NPEPL1: variants seen among roughly 807,000 people sequenced by gnomAD.
NPEPL1 encodes probable aminopeptidase NPEPL1.
Under a neutral mutation model 52.4 loss-of-function variants are expected in NPEPL1, and 45 were observed. That is an observed-to-expected ratio of 0.86 (90% confidence interval 0.68 to 1.10). The LOEUF is 1.10. Ranked by LOEUF, NPEPL1 falls within the 50% of genes least tolerant of loss-of-function variation. NPEPL1 has a pLI of 0.00. For missense variants in NPEPL1, 696 were observed against 710.9 expected (o/e 0.98, Z 0.24); for synonymous variants, 360 against 314.7 (o/e 1.14, Z -1.52).
At chr20:58,699,864 A>G (rs2084577757) in intron 5 of NPEPL1, among the ~76,000 whole-genome samples, 1 of 152,226 alleles carries the variant, frequency 6.6e-6, no homozygotes, top group Non-Finnish European at 1.5e-5. Context: ...GTGTGGCTAC[A>G]AAACAAATCA....
chr20:58,691,515 C>T (rs559244577), upstream of NPEPL1: 931 of 668,532 alleles, frequency 1.4e-3, 8 homozygotes, highest in Middle Eastern at 6.1e-3. Flanking sequence ...GGCCAGGGAC[C>T]ATGGCTCAGA....
intron 1 of NPEPL1, 139 bp downstream of exon 1, chr20:58,693,189 G>C: frequency 1.8e-6 from 1 of 557,672 alleles, no homozygotes; most frequent in Non-Finnish European, 2.3e-6. Context: ...TCCCTGAAGG[G>C]CTCAGCCGCC....
At position 58,702,535 on chromosome 20, in the gene NPEPL1, T is replaced by G. The variant is rs182383290; in HGVS notation, c.822+1377T>G. ...GACACTAATCATAAAAAGGGTTTTTTGTTTTTTTTTAATAGAAAAAACATG... is the reference window on the plus strand; with the variant it reads ...GACACTAATCATAAAAAGGGTTTTTGGTTTTTTTTTAATAGAAAAAACATG... On this transcript the variant is annotated intron_variant, in intron 6 of 11. Coordinates refer to ENST00000356091, the MANE Select transcript of NPEPL1 (RefSeq NM_024663.4). Among the ~76,000 whole-genome samples, 6 of 152,260 alleles carry G rather than the reference T, an allele frequency of 3.9e-5. No individual in the cohort carries two copies. The East Asian group carries it at 1.2e-3, about 29-fold the overall frequency.
chr20:58,704,056 T>C (rs972794674), intron 6 of NPEPL1: 2 of 985,392 alleles, frequency 2.0e-6, no homozygotes, highest in African/African-American at 3.5e-5. Context: ...CCAGCAGGCC[T>C]TTCCTGAGCT....
At chr20:58,693,997 G>T in intron 2 of NPEPL1, 75 bp downstream of exon 2, 1 of 1,402,340 alleles carries the variant, frequency 7.1e-7, no homozygotes, top group Non-Finnish European at 9.6e-7. Context: ...GGAGCTCACA[G>T]CCCTGCTCAG....
In NPEPL1 at chr20:58,694,495, G is replaced by A. The variant is rs765534854; in HGVS notation, c.410G>A (p.Arg137His). Residue 137 changes from arginine to histidine, a missense_variant, in exon 3 of 12, where the codon CGC (arginine) becomes CAC (histidine). By Grantham distance (29) the Arg-to-His change is conservative. Coordinates refer to ENST00000356091, the MANE Select transcript of NPEPL1 (RefSeq NM_024663.4). The stretch of plus-strand genomic sequence containing the variant: ...CGGGCCTTCCCGCTGTTCACCCACC[G>A]CTCAGGTGCCTCTCGGCGCTTGGAG... The part of the protein sequence containing the change: ...LARAFPLFTH[R>H]SGASRRLEKK... 1.1e-5 allele frequency: 18 copies of A among 1,613,896 alleles called. No individual in the cohort carries two copies. Among genetic ancestry groups the A allele is most frequent in the Admixed American group, 5.0e-5 (3 of 59,992 alleles).
At chr20:58,701,425 A>T (rs1239066837) in intron 6 of NPEPL1, among the ~76,000 whole-genome samples, 8 of 30,838 alleles carry the variant, frequency 2.6e-4, no homozygotes, top group African/African-American at 9.2e-4. Flanking sequence ...GAGAGGTGTC[A>T]TGGGGTGGGG....
upstream of NPEPL1, chr20:58,691,699 T>TC (rs1236927565): frequency 1.5e-5 from 6 of 405,928 alleles, no homozygotes; most frequent in African/African-American, 6.0e-4. Context: ...TTTTCTTTTT[T>TC]TTTTTTTTTT....
At position 58,712,544 on chromosome 20, in the gene NPEPL1, A is replaced by G. The variant is rs2084872001; in HGVS notation, c.966A>G (p.Thr322=). 1 of 1,613,248 alleles carries G rather than the reference A, an allele frequency of 6.2e-7. No homozygotes were observed. Among genetic ancestry groups the G allele is most frequent in the East Asian group, 2.2e-5 (1 of 44,858 alleles). Residue 322 remains threonine, a synonymous_variant, in exon 8 of 12, where the codon ACA becomes ACG. Transcript: ENST00000356091. ...AGAACTCGGTGGGGCCCAATGCGAC[A>G]AGGCCAGATGACATCCACCTGCTGT... ...LAENSVGPNA[T]RPDDIHLLYS...
Position 58,707,132 on chromosome 20 carries a change from C to CCGGGGATGAAGCGAGACTG in NPEPL1, c.838_856dup (p.Gly286AspfsTer35). 8 of 1,552,022 alleles carry CCGGGGATGAAGCGAGACTG rather than the reference C, an allele frequency of 5.2e-6. No homozygotes were observed. Among genetic ancestry groups the CCGGGGATGAAGCGAGACTG allele is most frequent in the Non-Finnish European group, 6.1e-6 (7 of 1,147,482 alleles). The stretch of plus-strand genomic sequence containing the variant: ...TTTGTACCACCCGCAGACTACCATG[C>CCGGGGATGAAGCGAGACTG]CGGGGATGAAGCGAGACTGCGGGGG... On this transcript the variant is annotated frameshift_variant, in exon 7 of 12. Transcript: ENST00000356091. LOFTEE classifies it high-confidence loss of function.
intron 5 of NPEPL1, among the ~76,000 whole-genome samples, chr20:58,700,711 C>G (rs908629494): frequency 6.6e-6 from 1 of 152,206 alleles, no homozygotes; most frequent in African/African-American, 2.4e-5. Context: ...ATCCAAACAT[C>G]GTTTCATTCT....
chr20:58,702,296 T>C (rs1426204611), intron 6 of NPEPL1, among the ~76,000 whole-genome samples: 2 of 152,202 alleles, frequency 1.3e-5, no homozygotes, highest in South Asian at 4.1e-4. Context: ...GGCCTGCCCC[T>C]GGTGTCACCC....
chr20:58,705,781 C>T (rs1459352177), intron 6 of NPEPL1, among the ~76,000 whole-genome samples: 2 of 152,176 alleles, frequency 1.3e-5, no homozygotes, highest in Non-Finnish European at 2.9e-5. Flanking sequence ...AGTGAGCAGC[C>T]GTTTCCAGGC....
At chr20:58,707,263 C>T in intron 7 of NPEPL1, 63 bp downstream of exon 7, 2 of 1,394,768 alleles carry the variant, frequency 1.4e-6, no homozygotes, top group Non-Finnish European at 9.7e-7. Context: ...GTGCTCCCCT[C>T]TCCCCTGTCC....
intron 11 of NPEPL1, 189 bp downstream of exon 11, chr20:58,714,859 C>A: frequency 1.6e-6 from 1 of 617,216 alleles, no homozygotes; most frequent in Admixed American, 2.9e-5. Flanking sequence ...GTGTGCGACC[C>A]TTCCCCAGCC....
At chr20:58,693,550 G>T (rs1568845788) in intron 1 of NPEPL1, 187 bp from the exon 2 acceptor site, 5 of 545,700 alleles carry the variant, frequency 9.2e-6, no homozygotes, top group Non-Finnish European at 1.3e-5. Context: ...ATGCGAGCCA[G>T]CCTAGAGACA....
Position 58,694,588 on chromosome 20 carries a change from T to G in NPEPL1, c.503T>G (p.Leu168Trp). Residue 168 changes from leucine to tryptophan, a missense_variant, in exon 3 of 12, where the codon TTG becomes TGG. By Grantham distance (61) the Leu-to-Trp change is moderately conservative. Coordinates refer to ENST00000356091, the MANE Select transcript of NPEPL1 (RefSeq NM_024663.4). ...AACGGGCCGGTGGAGGTGTCCACAT[T>G]GCAGGTGGGTGTCTGGAAGGGCAGA... is the stretch of plus-strand genomic sequence containing the variant. ...QDNGPVEVST[L>W]QCLANATDGV... The G allele has an allele frequency of 1.2e-6, 2 of 1,611,110 alleles. No individual in the cohort carries two copies. The highest frequency in any genetic ancestry group is 1.7e-6 in the Non-Finnish European group (2 of 1,178,484).
At chr20:58,712,989 G>A (rs2123152466) in intron 8 of NPEPL1, 2 of 371,346 alleles carry the variant, frequency 5.4e-6, no homozygotes, top group East Asian at 1.3e-4. Flanking sequence ...AGGAGCAAGT[G>A]GCTCCAGAAT....
chr20:58,701,314 GGGGT>G (rs2084615176), intron 6 of NPEPL1, among the ~76,000 whole-genome samples, 156 bp downstream of exon 6: 1 of 100,628 alleles, frequency 9.9e-6, no homozygotes, highest in African/African-American at 7.1e-5. Flanking sequence ...CCCTGGGGTT[GGGGT>G]GGGGTGGGGT....
Sources: allele counts gnomAD v4.1 joint callset (sites outside exome capture counted in the v4.1 genomes callset), GRCh38; gene constraint gnomAD v4.1.1; transcripts MANE v1.5; gene names NCBI Gene and HGNC (gene_info 2026-07-23, HGNC 2026-07-21).